The following RPS6KA2 variants were observed in gnomAD, a reference collection of about 807,000 sequenced individuals.
RPS6KA2 encodes ribosomal protein S6 kinase A2.
RPS6KA2 carries 42 observed loss-of-function variants against 91.8 expected under a neutral mutation model. The observed-to-expected ratio is 0.46, with a 90% CI of 0.36 to 0.59. RPS6KA2 has a LOEUF of 0.59. Ranked by LOEUF, RPS6KA2 falls within the 20% of genes least tolerant of loss-of-function variation. RPS6KA2 has a pLI of 0.00. For synonymous variants in RPS6KA2, 414 were observed against 393.6 expected (o/e 1.05, Z -0.61); for missense variants, 798 against 978.5 (o/e 0.82, Z 2.46).
At chr6:166,719,202 T>A (rs905686330) in intron 2 of RPS6KA2, among the ~76,000 whole-genome samples, 4 of 152,240 alleles carry the variant, frequency 2.6e-5, no homozygotes, top group Non-Finnish European at 5.9e-5. Flanking sequence ...GCTCCTCTTA[T>A]GTGCTTGGAA....
chr6:166,608,168 G>A (rs1786022361), intron 1 of RPS6KA2, among the ~76,000 whole-genome samples: 1 of 152,150 alleles, frequency 6.6e-6, no homozygotes, highest in African/African-American at 2.4e-5. Context: ...AGACTCCCAG[G>A]AGGCAATGGC....
At chr6:166,802,142 C>T (rs766665793) in intron 2 of RPS6KA2, among the ~76,000 whole-genome samples, 9 of 151,914 alleles carry the variant, frequency 5.9e-5, no homozygotes, top group East Asian at 3.9e-4. Flanking sequence ...TGGTGGTGGG[C>T]GCCTGTAGTC....
chr6:166,601,190 A>G (rs970288215), intron 1 of RPS6KA2, among the ~76,000 whole-genome samples: 2 of 152,254 alleles, frequency 1.3e-5, no homozygotes, highest in Non-Finnish European at 2.9e-5. Context: ...AAATCAAGCC[A>G]TATTTCTCTA....
Position 166,821,280 on chromosome 6 carries a change from C to T in RPS6KA2, c.123+36920G>A, listed in dbSNP as rs1458386624. Among the ~76,000 whole-genome samples, 2 of 151,860 alleles carry T rather than the reference C, an allele frequency of 1.3e-5. No homozygotes were observed. Among genetic ancestry groups the T allele is most frequent in the Admixed American group, 1.3e-4 (2 of 15,238 alleles). The stretch of plus-strand genomic sequence containing the variant: ...CGAGACAAGGATTTCTCTTTCTTTC[C>T]AGCAGGCGCACCCCAGGAGTGACAA... On this transcript the variant is annotated intron_variant, in intron 2 of 21. Coordinates refer to the RPS6KA2 transcript ENST00000503859. This position sits in a 1 kb window ranked among gnomAD's most constrained non-coding sequence, Gnocchi z 4.1.
chr6:166,509,064 C>T (rs781056459), intron 4 of RPS6KA2, among the ~76,000 whole-genome samples: 21 of 152,214 alleles, frequency 1.4e-4, no homozygotes, highest in Non-Finnish European at 2.5e-4. Context: ...ATCCCAATAT[C>T]CCTGCATACT....
At chr6:166,653,343 G>A (rs1787917440) in intron 2 of RPS6KA2, among the ~76,000 whole-genome samples, 1 of 152,220 alleles carries the variant, frequency 6.6e-6, no homozygotes, top group Non-Finnish European at 1.5e-5. Context: ...TTACAGGCGT[G>A]AGCCGCCCTG....
intron 2 of RPS6KA2, among the ~76,000 whole-genome samples, chr6:166,744,864 G>A (rs1562413366): frequency 6.6e-6 from 1 of 152,208 alleles, no homozygotes; most frequent in African/African-American, 2.4e-5. Flanking sequence ...AAGCTTAGGG[G>A]GCCTGGGCCT....
At chr6:166,859,254 G>A (rs951606583) in intron 1 of RPS6KA2, among the ~76,000 whole-genome samples, 8 of 152,202 alleles carry the variant, frequency 5.3e-5, no homozygotes, top group African/African-American at 1.4e-4. Flanking sequence ...ACATCCCAGA[G>A]AGAAAAATCA....
intron 1 of RPS6KA2, chr6:166,862,019 G>T: frequency 1.3e-6 from 2 of 1,538,964 alleles, no homozygotes; most frequent in South Asian, 1.1e-5. Context: ...TAATGGACAT[G>T]AACTGATTAT....
At chr6:166,837,292 C>A (rs767722578) in intron 2 of RPS6KA2, among the ~76,000 whole-genome samples, 1 of 152,090 alleles carries the variant, frequency 6.6e-6, no homozygotes, top group African/African-American at 2.4e-5. Flanking sequence ...GTGGAAGGCT[C>A]GGCCGCTCCC....
exon 1 of RPS6KA2, chr6:166,862,399 G>C: frequency 7.2e-7 from 1 of 1,382,538 alleles, no homozygotes; most frequent in African/African-American, 1.5e-5. Context: ...ATGGCTGCTC[G>C]GGCGCCGTCC....
chr6:166,545,602 G>A (rs1267378298), intron 1 of RPS6KA2, among the ~76,000 whole-genome samples: 1 of 151,900 alleles, frequency 6.6e-6, no homozygotes, highest in Non-Finnish European at 1.5e-5. Context: ...TTGCCTTTCT[G>A]CCTCCCCACC....
intron 3 of RPS6KA2, among the ~76,000 whole-genome samples, chr6:166,510,734 G>C (rs1268970170): frequency 6.6e-6 from 1 of 151,060 alleles, no homozygotes; most frequent in Non-Finnish European, 1.5e-5. Flanking sequence ...GTGCCACATA[G>C]GAAAGCCAAC....
At chr6:166,668,440 T>C (rs1329583312) in intron 2 of RPS6KA2, among the ~76,000 whole-genome samples, 3 of 152,184 alleles carry the variant, frequency 2.0e-5, no homozygotes, top group African/African-American at 7.2e-5. Context: ...ACTCGGCATC[T>C]GAACGACTCA....
intron 1 of RPS6KA2, among the ~76,000 whole-genome samples, chr6:166,579,398 C>T (rs1784938162): frequency 6.6e-6 from 1 of 151,926 alleles, no homozygotes; most frequent in South Asian, 2.1e-4. Flanking sequence ...CGCCCACAGG[C>T]CATCTGGGGA....
At chr6:166,669,291 A>C (rs1476622694) in intron 2 of RPS6KA2, among the ~76,000 whole-genome samples, 1 of 151,324 alleles carries the variant, frequency 6.6e-6, no homozygotes, top group African/African-American at 2.4e-5. Context: ...TCTCTCTGGC[A>C]CCCTCTATTC....
At chr6:166,451,376 G>A in intron 12 of RPS6KA2, 143 bp from the exon 13 acceptor site, 1 of 826,962 alleles carries the variant, frequency 1.2e-6, no homozygotes, top group Non-Finnish European at 1.9e-6. Context: ...GCGTATGCCT[G>A]TGGTGGAGGA....
intron 11 of RPS6KA2, among the ~76,000 whole-genome samples, chr6:166,460,270 G>A (rs1780231293): frequency 1.3e-5 from 2 of 152,354 alleles, no homozygotes; most frequent in South Asian, 4.1e-4. Flanking sequence ...ACAGCCCTCT[G>A]TGCTCCGGTC....
At chr6:166,837,059 C>T (rs554380912) in intron 2 of RPS6KA2, among the ~76,000 whole-genome samples, 1 of 152,334 alleles carries the variant, frequency 6.6e-6, no homozygotes, top group East Asian at 1.9e-4. Context: ...GTGCCGCTCA[C>T]CTGGCCACAG....
Sources: allele counts gnomAD v4.1 joint callset (sites outside exome capture counted in the v4.1 genomes callset), GRCh38; gene constraint gnomAD v4.1.1; non-coding constraint Gnocchi (gnomAD v3.1); transcripts MANE v1.5; gene names NCBI Gene and HGNC (gene_info 2026-07-23, HGNC 2026-07-21).